The following FAM76B variants were observed in gnomAD, a reference collection of about 807,000 sequenced individuals.
FAM76B encodes the protein family with sequence similarity 76 member B.
In FAM76B, 16 loss-of-function variants were observed where a neutral mutation model predicts 51.8. The ratio of observed to expected loss-of-function variants is 0.31; its 90% CI spans 0.21 to 0.47. FAM76B has a LOEUF of 0.47. Ranked by LOEUF, FAM76B falls within the 20% of genes least tolerant of loss-of-function variation. FAM76B has a pLI of 1.00. For missense variants in FAM76B, 342 were observed against 392.6 expected (o/e 0.87, Z 1.09); for synonymous variants, 166 against 129.5 (o/e 1.28, Z -1.91).
chr11:95,773,739 G>A (rs1443539793), intron 9 of FAM76B, among the ~76,000 whole-genome samples: 1 of 151,216 alleles, frequency 6.6e-6, no homozygotes, highest in Non-Finnish European at 1.5e-5. Flanking sequence ...GCACTCAAAT[G>A]TTAGGTCCCT....
At position 95,787,615 on chromosome 11, in the gene FAM76B, CAT is replaced by C; in HGVS notation, c.207+7_207+8del. The C allele has an allele frequency of 6.2e-7, 1 of 1,608,936 alleles. No individual in the cohort carries two copies. Among genetic ancestry groups the C allele is most frequent in the Non-Finnish European group, 8.5e-7 (1 of 1,176,654 alleles). Reference sequence around the variant, plus strand: ...GTAACAATGACATGAAAACATAAGACATACTTACCGTCCCAAATTGCTTCACA... The same window carrying C: ...GTAACAATGACATGAAAACATAAGACACTTACCGTCCCAAATTGCTTCACA... On this transcript the variant is annotated splice_region_variant and intron_variant, in intron 3 of 9. Coordinates refer to ENST00000358780, the MANE Select transcript of FAM76B (RefSeq NM_144664.5).
At chr11:95,781,671 TGTCATATTTTTTC>T (rs1860276829) in intron 5 of FAM76B, among the ~76,000 whole-genome samples, 1 of 152,176 alleles carries the variant, frequency 6.6e-6, no homozygotes, top group African/African-American at 2.4e-5. Context: ...ATAGTCATTT[TGTCATATTTTTTC>T]TTAAAGCAAG....
At chr11:95,782,698 A>G (rs978129750) in intron 5 of FAM76B, among the ~76,000 whole-genome samples, 4 of 152,218 alleles carry the variant, frequency 2.6e-5, no homozygotes. Context: ...ACTAAAACAA[A>G]TTGACAACTA....
intron 5 of FAM76B, among the ~76,000 whole-genome samples, chr11:95,780,441 C>T (rs1172649930): frequency 6.6e-6 from 1 of 151,878 alleles, no homozygotes; most frequent in East Asian, 1.9e-4. Flanking sequence ...GTCCATAGAG[C>T]TCTCTTTAGT....
chr11:95,783,346 C>T (rs981966999), intron 4 of FAM76B, 82 bp from the exon 5 acceptor site: 1 of 1,172,428 alleles, frequency 8.5e-7, no homozygotes, highest in Non-Finnish European at 1.2e-6. Context: ...CACTCAACTT[C>T]CACCTATATT....
intron 2 of FAM76B, 63 bp from the exon 3 acceptor site, chr11:95,787,741 C>A: frequency 7.4e-7 from 1 of 1,352,702 alleles, no homozygotes; most frequent in Non-Finnish European, 1.0e-6. Flanking sequence ...AGCACAATGT[C>A]AAAATAAAAT....
Position 95,782,075 on chromosome 11 carries a change from T to C in FAM76B, c.563+990A>G, listed in dbSNP as rs372668028. 1.6e-4 allele frequency among the ~76,000 whole-genome samples: 25 copies of C among 152,296 alleles called. 1 individual carries two copies. The highest frequency in any genetic ancestry group is 5.5e-4 in the African/African-American group (23 of 41,568). ...CAATAAATTATTCTGAAAATGGGCA[T>C]GCCATATGTCCGTTTTTTCCATTTT... On this transcript the variant is annotated intron_variant, in intron 5 of 9. Transcript: ENST00000358780.
chr11:95,789,643 GCCA>G lies in FAM76B; in HGVS notation c.-168_-166del, dbSNP rs1860893519. 2 of 544,988 alleles carry G rather than the reference GCCA, an allele frequency of 3.7e-6. No individual in the cohort carries two copies. Among genetic ancestry groups the G allele is most frequent in the Non-Finnish European group, 6.3e-6 (2 of 318,968 alleles). The allele number at this position is 544,988 out of a possible 1,614,324, so 33.8% of individuals were successfully genotyped here. On this transcript the variant is annotated 5_prime_UTR_variant, in exon 1 of 10. Coordinates refer to ENST00000358780, the MANE Select transcript of FAM76B (RefSeq NM_144664.5). ...GAGAGCCCAGGGCCCCGCGGACGAC[GCCA>G]CCGTCTCCCTCCGCCTCCACTTCCG...
intron 4 of FAM76B, among the ~76,000 whole-genome samples, chr11:95,784,506 A>G (rs1269980922): frequency 6.6e-6 from 1 of 151,876 alleles, no homozygotes; most frequent in African/African-American, 2.4e-5. Context: ...AGTTATGTTC[A>G]GGCACTCTTA....
rs554694588 is a variant in FAM76B at position 95,775,657 on chromosome 11, C to T, written c.930+265G>A. 4.6e-5 allele frequency among the ~76,000 whole-genome samples: 7 copies of T among 151,546 alleles called. No homozygotes were observed. The East Asian group carries it at 1.4e-3, about 29-fold the overall frequency. The stretch of plus-strand genomic sequence containing the variant: ...TAAGCCCAATAATTAATTGAACACA[C>T]TCCAATGATACCCTCCTCCAAAAAC... On this transcript the variant is annotated intron_variant, in intron 9 of 9. Transcript: ENST00000358780.
At chr11:95,789,324 C>T in intron 1 of FAM76B, 68 bp downstream of exon 1, 1 of 1,495,338 alleles carries the variant, frequency 6.7e-7, no homozygotes, top group Non-Finnish European at 9.1e-7. Context: ...TGCAGTGCAG[C>T]GGCTACCCGG....
chr11:95,777,744 G>A (rs1418068646), intron 8 of FAM76B, among the ~76,000 whole-genome samples: 6 of 151,402 alleles, frequency 4.0e-5, no homozygotes, highest in Non-Finnish European at 8.9e-5. Flanking sequence ...GTGGCAAAAT[G>A]TATCAAAAAT....
chr11:95,774,421 C>T (rs1859906756), intron 9 of FAM76B, among the ~76,000 whole-genome samples: 1 of 151,334 alleles, frequency 6.6e-6, no homozygotes, highest in Admixed American at 6.6e-5. Context: ...AAGATGACCC[C>T]ATGTATTTGC....
At chr11:95,780,379 A>G (rs1860202658) in intron 5 of FAM76B, among the ~76,000 whole-genome samples, 2 of 151,952 alleles carry the variant, frequency 1.3e-5, no homozygotes, top group African/African-American at 4.8e-5. Flanking sequence ...AAATGGGGAA[A>G]TATATTGATT....
chr11:95,771,703 C>T (rs1859774228), intron 9 of FAM76B, 53 bp from the exon 10 acceptor site: 2 of 1,388,692 alleles, frequency 1.4e-6, no homozygotes, highest in Admixed American at 1.7e-5. Context: ...ATTATTAAGT[C>T]ATGCTGAAGA....
intron 7 of FAM76B, 195 bp from the exon 8 acceptor site, chr11:95,779,152 C>G: frequency 6.4e-7 from 1 of 1,570,328 alleles, no homozygotes; most frequent in Non-Finnish European, 8.6e-7. Flanking sequence ...AAATATAATT[C>G]AGTATTAGCT....
chr11:95,788,424 TGGGA>T, intron 2 of FAM76B, 71 bp downstream of exon 2: 1 of 1,182,196 alleles, frequency 8.5e-7, no homozygotes, highest in South Asian at 1.3e-5. Flanking sequence ...CATAAAAACA[TGGGA>T]TTACAACCCC....
At position 95,773,259 on chromosome 11, in the gene FAM76B, T is replaced by C. The variant is rs1209932237; in HGVS notation, c.931-1609A>G. Among the ~76,000 whole-genome samples, 3 of 151,072 alleles carry C rather than the reference T, an allele frequency of 2.0e-5. 1 individual carries two copies. The highest frequency in any genetic ancestry group is 6.6e-5 in the Admixed American group (1 of 15,108). On this transcript the variant is annotated intron_variant, in intron 9 of 9. Transcript: ENST00000358780. Reference sequence around the variant, plus strand: ...TAGCTAATTTCCAATTTGCTTTTAATATATTTATATCACTAATAAAGATAT... The same window carrying C: ...TAGCTAATTTCCAATTTGCTTTTAACATATTTATATCACTAATAAAGATAT...
chr11:95,777,701 T>C (rs1860072066), intron 8 of FAM76B, among the ~76,000 whole-genome samples: 1 of 151,400 alleles, frequency 6.6e-6, no homozygotes, highest in African/African-American at 2.4e-5. Context: ...TACAAATGTA[T>C]TAAAATAAAT....
Sources: gnomAD v4.1 joint callset for allele counts (sites outside exome capture counted in the v4.1 genomes callset) on GRCh38, gnomAD v4.1.1 for gene constraint, MANE v1.5 for transcripts, NCBI Gene and HGNC (gene_info 2026-07-23, HGNC 2026-07-21) for gene names.